KDM7A: variants seen among roughly 807,000 people sequenced by gnomAD.
KDM7A encodes the protein lysine demethylase 7A, also known as lysine-specific demethylase 7A.
In KDM7A, 28 loss-of-function variants were observed where a neutral mutation model predicts 114.8. The observed-to-expected ratio is 0.24, with a 90% CI of 0.18 to 0.33. KDM7A has a LOEUF of 0.33. Ranked by LOEUF, KDM7A falls within the 10% of genes least tolerant of loss-of-function variation. The probability of loss-of-function intolerance (pLI) is 1.00; values close to 1 mark genes in which losing one functional copy is unlikely to be tolerated. For missense variants in KDM7A, 942 were observed against 1,142.5 expected (o/e 0.82, Z 2.53); for synonymous variants, 423 against 397.8 (o/e 1.06, Z -0.75).
intron 1 of KDM7A, among the ~76,000 whole-genome samples, chr7:140,165,054 A>G (rs376164869): frequency 1.4e-4 from 21 of 152,352 alleles, no homozygotes; most frequent in African/African-American, 4.6e-4. Context: ...CGATTTTGAA[A>G]GGAAAATACT....
At position 140,085,570 on chromosome 7, in the gene KDM7A, T is replaced by C. The variant is rs935798040; in HGVS notation, c.*5524A>G. On this transcript the variant is annotated 3_prime_UTR_variant, in exon 20 of 20. Coordinates refer to ENST00000397560, the MANE Select transcript of KDM7A (RefSeq NM_030647.2). ...AGTCTTTTCTGAAGGAAATACCATC[T>C]GCGAAGATGCATTTCCTGATCAGTG... 1 of 152,236 alleles carries C rather than the reference T, an allele frequency of 6.6e-6. No homozygotes were observed. Among genetic ancestry groups the C allele is most frequent in the African/African-American group, 2.4e-5 (1 of 41,460 alleles). 9.4% of individuals were successfully genotyped at this position (152,236 alleles called of 1,614,324 possible).
chr7:140,166,704 G>A (rs1794580174), intron 1 of KDM7A, among the ~76,000 whole-genome samples: 1 of 152,052 alleles, frequency 6.6e-6, no homozygotes, highest in African/African-American at 2.4e-5. Flanking sequence ...AAATATTAGA[G>A]GCATTTCTAC....
intron 11 of KDM7A, among the ~76,000 whole-genome samples, chr7:140,108,715 G>T (rs1818384438): frequency 6.6e-6 from 1 of 152,236 alleles, no homozygotes; most frequent in Non-Finnish European, 1.5e-5. Context: ...CTACCCAGGG[G>T]TCAGGGACCC....
At position 140,091,872 on chromosome 7, in the gene KDM7A, G is replaced by A. The variant is rs779621783; in HGVS notation, c.2663C>T (p.Ser888Leu). 1.6e-5 allele frequency: 26 copies of A among 1,613,712 alleles called. No individual in the cohort carries two copies. The highest frequency in any genetic ancestry group is 1.1e-4 in the South Asian group (10 of 91,052). The part of the protein sequence containing the change: ...PERPVGETSF[S>L]VPLHPTKRPA... ...TCTCTTGGTGGGGTGAAGGGGCACC[G>A]AGAAGGAAGTTTCACCAACTGGCCT... The change falls in exon 19 of 20, where the codon TCG (serine) becomes TTG (leucine). Residue 888 changes from serine (S) to leucine (L), a missense_variant. By Grantham distance (145) the Ser-to-Leu change is moderately radical. This residue lies in a region of KDM7A where 512 missense variants were observed against 576.6 expected (regional missense o/e 0.89). Coordinates refer to ENST00000397560, the MANE Select transcript of KDM7A (RefSeq NM_030647.2).
At chr7:140,174,012 A>C (rs1199062541) in intron 1 of KDM7A, among the ~76,000 whole-genome samples, 3 of 152,018 alleles carry the variant, frequency 2.0e-5, no homozygotes, top group African/African-American at 7.3e-5. Flanking sequence ...AAAAATACAA[A>C]AATTAGCCAG....
intron 11 of KDM7A, among the ~76,000 whole-genome samples, chr7:140,109,801 A>G (rs1347485668): frequency 4.6e-5 from 7 of 152,236 alleles, no homozygotes; most frequent in African/African-American, 9.6e-5. Flanking sequence ...GGTAAAAATT[A>G]TTGATAACCC....
intron 9 of KDM7A, among the ~76,000 whole-genome samples, chr7:140,113,904 C>T (rs1209189617): frequency 6.6e-6 from 1 of 152,042 alleles, no homozygotes; most frequent in African/African-American, 2.4e-5. Context: ...CCCTGGCCTT[C>T]CAAAGTGCTG....
intron 1 of KDM7A, among the ~76,000 whole-genome samples, chr7:140,169,393 C>T (rs1794613628): frequency 6.6e-6 from 1 of 152,300 alleles, no homozygotes; most frequent in African/African-American, 2.4e-5. Flanking sequence ...TATTCTTACT[C>T]ATAAGCCTCC....
intron 2 of KDM7A, among the ~76,000 whole-genome samples, chr7:140,136,380 T>C (rs1818870599): frequency 6.6e-6 from 1 of 152,226 alleles, no homozygotes; most frequent in African/African-American, 2.4e-5. Context: ...ATTGTCCTGT[T>C]GGGCCAACAT....
At position 140,088,829 on chromosome 7, in the gene KDM7A, T is replaced by C; in HGVS notation, c.*2265A>G. 1 of 290,516 alleles carries C rather than the reference T, an allele frequency of 3.4e-6. No homozygotes were observed. The highest frequency in any genetic ancestry group is 6.3e-6 in the Non-Finnish European group (1 of 159,198). 18.0% of individuals were successfully genotyped at this position (290,516 alleles called of 1,614,324 possible). On this transcript the variant is annotated 3_prime_UTR_variant, in exon 20 of 20. Transcript: ENST00000397560. ...CTCAGCCTAAGGACACAGTGGATAC[T>C]GGCCACAATTTTAATTCATAAAAAT...
At chr7:140,115,736 T>G (rs1433668297) in intron 9 of KDM7A, among the ~76,000 whole-genome samples, 2 of 150,962 alleles carry the variant, frequency 1.3e-5, no homozygotes, top group Non-Finnish European at 2.9e-5. Flanking sequence ...CCTCCACTAT[T>G]GTCCCATGAC....
At chr7:140,097,704 C>T (rs1442527476) in intron 14 of KDM7A, 62 bp from the exon 15 acceptor site, 1 of 934,498 alleles carries the variant, frequency 1.1e-6, no homozygotes, top group Non-Finnish European at 1.7e-6. Context: ...AACAAGGTGA[C>T]AAGATGGTAT....
chr7:140,090,763 A>G lies in KDM7A; in HGVS notation c.*331T>C, dbSNP rs1435378807. 7.8e-6 allele frequency: 2 copies of G among 255,110 alleles called. No individual in the cohort carries two copies. The highest frequency in any genetic ancestry group is 2.2e-5 in the African/African-American group (1 of 45,234). The allele number at this position is 255,110 out of a possible 1,614,324, so 15.8% of individuals were successfully genotyped here. ...CTTTAAAAAAAAATCTGTTAAATAA[A>G]TTATTGATAATTCTTTACCCTACCA... On this transcript the variant is annotated 3_prime_UTR_variant, in exon 20 of 20. Coordinates refer to ENST00000397560, the MANE Select transcript of KDM7A (RefSeq NM_030647.2).
In KDM7A at chr7:140,098,555, A is replaced by C. The variant is rs10278885; in HGVS notation, c.1918+324T>G. On this transcript the variant is annotated intron_variant, in intron 14 of 19. Coordinates refer to ENST00000397560, the MANE Select transcript of KDM7A (RefSeq NM_030647.2). ...CTGAACTTACATATAAAATTAAACG[A>C]AACTTGAAACTTTTATTTTGGGGAG... Among the ~76,000 whole-genome samples, 15 of 152,320 alleles carry C rather than the reference A, an allele frequency of 9.8e-5. No individual in the cohort carries two copies. The South Asian group carries it at 3.1e-3, about 32-fold the overall frequency.
chr7:140,104,060 A>G (rs1210538335), intron 11 of KDM7A, among the ~76,000 whole-genome samples: 1 of 152,192 alleles, frequency 6.6e-6, no homozygotes, highest in Non-Finnish European at 1.5e-5. Context: ...TCTGATGGCC[A>G]GTGATGATGA....
rs1817903909 is a variant in KDM7A, at chr7:140,085,135, A to T, written c.*5959T>A. 1 of 152,392 alleles carries T rather than the reference A, an allele frequency of 6.6e-6. No homozygotes were observed. Among genetic ancestry groups the T allele is most frequent in the Non-Finnish European group, 1.5e-5 (1 of 68,056 alleles). The allele number at this position is 152,392 out of a possible 1,614,324, so 9.4% of individuals were successfully genotyped here. On this transcript the variant is annotated 3_prime_UTR_variant, in exon 20 of 20. Coordinates refer to ENST00000397560, the MANE Select transcript of KDM7A (RefSeq NM_030647.2). ...CAGCCACACCCCACGCCATTGTCACACAGTGGGCTTCCGGACTGAAAGGAC... is the reference window on the plus strand; with the variant it reads ...CAGCCACACCCCACGCCATTGTCACTCAGTGGGCTTCCGGACTGAAAGGAC...
chr7:140,149,909 T>C (rs910828447), intron 1 of KDM7A, among the ~76,000 whole-genome samples: 1 of 152,230 alleles, frequency 6.6e-6, no homozygotes, highest in Non-Finnish European at 1.5e-5. Context: ...GAAGTGTGTA[T>C]ATACATAACA....
At chr7:140,105,460 C>A (rs1264497255) in intron 11 of KDM7A, among the ~76,000 whole-genome samples, 1 of 152,140 alleles carries the variant, frequency 6.6e-6, no homozygotes, top group African/African-American at 2.4e-5. Context: ...GAGATGCACT[C>A]CATCAATACC....
chr7:140,165,257 C>T (rs1794561426), intron 1 of KDM7A, among the ~76,000 whole-genome samples: 2 of 152,114 alleles, frequency 1.3e-5, no homozygotes, highest in South Asian at 4.1e-4. Flanking sequence ...TGCTGATTTT[C>T]TTTTATTCTA....
Sources: gnomAD v4.1 joint callset for allele counts (sites outside exome capture counted in the v4.1 genomes callset) on GRCh38, gnomAD v4.1.1 for gene constraint, gnomAD v4.1.1 regional missense constraint, MANE v1.5 for transcripts, NCBI Gene and HGNC (gene_info 2026-07-23, HGNC 2026-07-21) for gene names.